SUGCT: variants seen among roughly 807,000 people sequenced by gnomAD.
The protein encoded by SUGCT is succinyl-CoA:glutarate-CoA transferase.
In SUGCT, 41 loss-of-function variants were observed where a neutral mutation model predicts 55.0. The observed-to-expected ratio is 0.74, with a 90% CI of 0.58 to 0.97. The LOEUF is 0.97. Among genes scored for constraint, SUGCT ranks in the 50% least tolerant of loss-of-function variants. The probability of loss-of-function intolerance (pLI) is 0.00; values close to 1 mark genes in which losing one functional copy is unlikely to be tolerated. For missense variants in SUGCT, 568 were observed against 547.8 expected, an observed-to-expected ratio of 1.04 and a Z score of -0.37; for synonymous variants, 187 against 200.4, an observed-to-expected ratio of 0.93 and a Z score of 0.56.
At chr7:40,190,106 A>G (rs1425969517) in intron 5 of SUGCT, among the ~76,000 whole-genome samples, 2 of 152,168 alleles carry the variant, frequency 1.3e-5, no homozygotes, top group African/African-American at 2.4e-5. Flanking sequence ...GCTGGAAGGC[A>G]CAGTGGTTAA....
At chr7:40,228,031 C>T (rs904654530) in intron 6 of SUGCT, among the ~76,000 whole-genome samples, 4 of 151,952 alleles carry the variant, frequency 2.6e-5, no homozygotes, top group Non-Finnish European at 2.9e-5. Context: ...TACAGGCATG[C>T]GCTACCATGC....
Position 40,195,051 on chromosome 7 carries a change from T to C in SUGCT, c.475T>C (p.Ser159Pro). ...DEIAPHIIYC[S>P]ITGYGQTGPI... ...GATTGCTCCTCACATCATCTATTGT[T>C]CCATCACAGGTATTTCAACCCCACA... Residue 159 changes from serine (S) to proline (P), a missense_variant, in exon 6 of 14, where the codon TCC becomes CCC. Transcript: ENST00000335693. The C allele has an allele frequency of 6.2e-7, 1 of 1,613,178 alleles. No individual in the cohort carries two copies.
chr7:40,455,546 G>C (rs1160772513), intron 10 of SUGCT, among the ~76,000 whole-genome samples: 2 of 152,142 alleles, frequency 1.3e-5, no homozygotes, highest in Non-Finnish European at 2.9e-5. Context: ...GAAAACTGGA[G>C]TGGGGCTATA....
At chr7:40,800,446 G>A (rs1436453174) in intron 13 of SUGCT, among the ~76,000 whole-genome samples, 3 of 151,870 alleles carry the variant, frequency 2.0e-5, no homozygotes, top group South Asian at 2.1e-4. Context: ...CCGCCATCAC[G>A]CCTGGCTAAT....
intron 12 of SUGCT, among the ~76,000 whole-genome samples, chr7:40,649,315 A>G (rs1800663305): frequency 6.6e-6 from 1 of 152,162 alleles, no homozygotes; most frequent in Non-Finnish European, 1.5e-5. Flanking sequence ...TTTACCTCTT[A>G]CAATGTAATA....
At chr7:40,265,613 A>T (rs1791516599) in intron 7 of SUGCT, among the ~76,000 whole-genome samples, 2 of 152,092 alleles carry the variant, frequency 1.3e-5, no homozygotes, top group Admixed American at 6.6e-5. Flanking sequence ...CTTTTAAAAT[A>T]TTTAATTTTG....
At position 40,694,554 on chromosome 7, in the gene SUGCT, A is replaced by G. The variant is rs564863235; in HGVS notation, c.1090-54880A>G. ...TCATAAATAACATTTTCCACATACT[A>G]TCATTTATCTCTCTTCCACCTAACT... On this transcript the variant is annotated intron_variant, in intron 12 of 13. Transcript: ENST00000335693. 4.6e-5 allele frequency among the ~76,000 whole-genome samples: 7 copies of G among 152,356 alleles called. No homozygotes were observed. The South Asian group carries it at 6.2e-4, about 14-fold the overall frequency.
At chr7:40,826,651 A>T (rs1792325712) in intron 13 of SUGCT, among the ~76,000 whole-genome samples, 3 of 152,206 alleles carry the variant, frequency 2.0e-5, no homozygotes, top group African/African-American at 7.2e-5. Context: ...AAGAGTGACC[A>T]TTTAAACAGT....
At chr7:40,231,708 C>T (rs1480234883) in intron 6 of SUGCT, among the ~76,000 whole-genome samples, 1 of 152,180 alleles carries the variant, frequency 6.6e-6, no homozygotes, top group African/African-American at 2.4e-5. Context: ...GTGGGGCCCT[C>T]TAAGCCAGGA....
intron 13 of SUGCT, among the ~76,000 whole-genome samples, chr7:40,840,883 A>G (rs1793243713): frequency 6.8e-6 from 1 of 147,180 alleles, no homozygotes; most frequent in African/African-American, 2.4e-5. Context: ...TTTAAAACAC[A>G]GACATGTATT....
intron 9 of SUGCT, among the ~76,000 whole-genome samples, chr7:40,430,363 A>G (rs931644950): frequency 7.9e-5 from 12 of 152,158 alleles, no homozygotes; most frequent in African/African-American, 2.7e-4. Context: ...AGCTATCCCA[A>G]TGGTTGTAAG....
chr7:40,362,572 C>T (rs112125955), intron 9 of SUGCT, among the ~76,000 whole-genome samples: 20 of 152,088 alleles, frequency 1.3e-4, no homozygotes, highest in African/African-American at 4.3e-4. Flanking sequence ...TATAGGTATA[C>T]ATAGTTATTT....
intron 1 of SUGCT, among the ~76,000 whole-genome samples, chr7:40,137,849 T>C (rs1166698893): frequency 6.6e-6 from 1 of 152,074 alleles, no homozygotes; most frequent in Non-Finnish European, 1.5e-5. Flanking sequence ...GCCTGGCTAA[T>C]TTTTGTATTT....
intron 7 of SUGCT, among the ~76,000 whole-genome samples, chr7:40,245,533 G>A (rs536506316): frequency 3.4e-4 from 47 of 137,780 alleles, no homozygotes; most frequent in Non-Finnish European, 4.6e-4. Flanking sequence ...CCTGCCTCCC[G>A]GGTTCATGCC....
intron 12 of SUGCT, among the ~76,000 whole-genome samples, chr7:40,596,816 T>C (rs1798028830): frequency 6.6e-6 from 1 of 152,198 alleles, no homozygotes. Flanking sequence ...AACAGACTAG[T>C]GACAGTCTTG....
intron 9 of SUGCT, among the ~76,000 whole-genome samples, chr7:40,414,798 T>G (rs1786879901): frequency 6.6e-6 from 1 of 152,036 alleles, no homozygotes; most frequent in Non-Finnish European, 1.5e-5. Context: ...ATTCCAGCAC[T>G]TTGGGAAGCT....
At chr7:40,870,219 G>A in the SUGCT span, among the ~76,000 whole-genome samples, 1 of 152,232 alleles carries the variant, frequency 6.6e-6, no homozygotes, top group African/African-American at 2.4e-5. Flanking sequence ...AAAGAAAAGT[G>A]TTACATGGCT....
At position 40,257,372 on chromosome 7, in the gene SUGCT, A is replaced by G. The variant is rs376167706; in HGVS notation, c.577-17141A>G. Among the ~76,000 whole-genome samples, 4 of 152,258 alleles carry G rather than the reference A, an allele frequency of 2.6e-5. No homozygotes were observed. The East Asian group carries it at 7.7e-4, about 29-fold the overall frequency. ...TGTTACAGAGGAATAAGATCATCAT[A>G]GTTTATCTATATATGGCACTGGTAC... is the stretch of plus-strand genomic sequence containing the variant. On this transcript the variant is annotated intron_variant, in intron 7 of 13. Transcript: ENST00000335693.
At chr7:40,332,243 A>G (rs1221657724) in intron 9 of SUGCT, among the ~76,000 whole-genome samples, 2 of 152,170 alleles carry the variant, frequency 1.3e-5, no homozygotes, top group Non-Finnish European at 2.9e-5. Flanking sequence ...GAATCTTTGC[A>G]CTTCCATCAT....
Sources: allele counts gnomAD v4.1 joint callset (sites outside exome capture counted in the v4.1 genomes callset), GRCh38; gene constraint gnomAD v4.1.1; transcripts MANE v1.5; gene names NCBI Gene and HGNC (gene_info 2026-07-23, HGNC 2026-07-21).